CNTN5: variants seen among roughly 807,000 people sequenced by gnomAD.
CNTN5 encodes contactin 5.
In CNTN5, 77 loss-of-function variants were observed where a neutral mutation model predicts 129.1. That is an observed-to-expected ratio of 0.60 (90% CI 0.50 to 0.72). CNTN5 has a LOEUF of 0.72. CNTN5 is among the 30% of genes least tolerant of loss of function. The pLI is 0.00. For synonymous variants in CNTN5, 509 were observed against 465.6 expected (o/e 1.09, Z -1.20); for missense variants, 1,478 against 1,328.8 (o/e 1.11, Z -1.75).
At chr11:99,922,879 G>A (rs1263438571) in intron 7 of CNTN5, among the ~76,000 whole-genome samples, 1 of 152,108 alleles carries the variant, frequency 6.6e-6, no homozygotes, top group Non-Finnish European at 1.5e-5. Context: ...GTTTTGCAAG[G>A]TTTTAGACAG....
At chr11:99,898,584 G>T (rs1949270929) in intron 6 of CNTN5, among the ~76,000 whole-genome samples, 1 of 152,012 alleles carries the variant, frequency 6.6e-6, no homozygotes, top group Non-Finnish European at 1.5e-5. Flanking sequence ...AGGCACTGAT[G>T]ATACAGCAGT....
At chr11:99,807,997 C>T (rs947223530) in intron 3 of CNTN5, among the ~76,000 whole-genome samples, 3 of 152,042 alleles carry the variant, frequency 2.0e-5, no homozygotes, top group African/African-American at 7.2e-5. Flanking sequence ...GGCGTAGGGA[C>T]CTTCTGTGAC....
In CNTN5 at chr11:99,896,811, C is replaced by G. The variant is rs760120734; in HGVS notation, c.578-19243C>G. 7.2e-5 allele frequency among the ~76,000 whole-genome samples: 11 copies of G among 152,288 alleles called. No homozygotes were observed. The South Asian group carries it at 1.7e-3, about 23-fold the overall frequency. ...TAGCTGTCAGCTGCCACTGTCCCAG[C>G]TGAGGGTTCCTGCTCTTCCAATGAA... On this transcript the variant is annotated intron_variant, in intron 6 of 24. Transcript: ENST00000524871.
chr11:100,181,494 A>AT (rs1196990148), intron 13 of CNTN5, among the ~76,000 whole-genome samples: 1 of 152,016 alleles, frequency 6.6e-6, no homozygotes, highest in Non-Finnish European at 1.5e-5. Context: ...AATGTCCAAT[A>AT]TTTTTATTGT....
chr11:99,309,098 G>C (rs1482615227), intron 1 of CNTN5, among the ~76,000 whole-genome samples: 1 of 151,734 alleles, frequency 6.6e-6, no homozygotes, highest in Non-Finnish European at 1.5e-5. Context: ...ATTATTTTCT[G>C]CTAACTACAA....
rs528104169 is a variant in CNTN5, at chr11:99,082,545, A to G, written c.-210+61275A>G. 2.0e-5 allele frequency among the ~76,000 whole-genome samples: 3 copies of G among 152,152 alleles called. No homozygotes were observed. The East Asian group carries it at 5.8e-4, about 29-fold the overall frequency. On this transcript the variant is annotated intron_variant, in intron 1 of 24. Transcript: ENST00000524871. ...ACTGCCTTGGATTGAGACGCTTTTCATTTTAGTGCAAGGAATTATGGAATC... is the reference window on the plus strand; with the variant it reads ...ACTGCCTTGGATTGAGACGCTTTTCGTTTTAGTGCAAGGAATTATGGAATC...
At chr11:99,914,943 G>C (rs1949750181) in intron 6 of CNTN5, among the ~76,000 whole-genome samples, 1 of 151,956 alleles carries the variant, frequency 6.6e-6, no homozygotes, top group Non-Finnish European at 1.5e-5. Context: ...ATTTTCTTGA[G>C]TGTTCAGTTT....
At chr11:100,273,290 C>A (rs1467440947) in intron 18 of CNTN5, among the ~76,000 whole-genome samples, 4 of 152,102 alleles carry the variant, frequency 2.6e-5, no homozygotes, top group African/African-American at 9.7e-5. Context: ...GCAGCGTCCC[C>A]GACATCCCTC....
intron 3 of CNTN5, among the ~76,000 whole-genome samples, chr11:99,722,892 C>T (rs1447494963): frequency 1.3e-5 from 2 of 151,998 alleles, no homozygotes; most frequent in East Asian, 1.9e-4. Flanking sequence ...GAATCCCAGT[C>T]GTGTCATCAA....
intron 2 of CNTN5, among the ~76,000 whole-genome samples, chr11:99,515,199 C>T (rs1005613096): frequency 1.4e-4 from 22 of 151,844 alleles, no homozygotes; most frequent in East Asian, 5.8e-4. Flanking sequence ...AAAGAAGCAG[C>T]GAAGAGAGAT....
chr11:100,129,589 TA>T (rs1946308448), intron 13 of CNTN5, among the ~76,000 whole-genome samples: 1 of 152,142 alleles, frequency 6.6e-6, no homozygotes, highest in Non-Finnish European at 1.5e-5. Context: ...TGTGCATGAA[TA>T]TTTTTTAATT....
intron 3 of CNTN5, among the ~76,000 whole-genome samples, chr11:99,589,612 T>A (rs1949914325): frequency 6.6e-6 from 1 of 152,196 alleles, no homozygotes; most frequent in Non-Finnish European, 1.5e-5. Context: ...CTATAAATAT[T>A]TAGAAAGTAT....
chr11:99,849,869 T>C (rs563468964), intron 6 of CNTN5, among the ~76,000 whole-genome samples: 10 of 152,266 alleles, frequency 6.6e-5, no homozygotes, highest in African/African-American at 2.4e-4. Context: ...CCAGTATAAA[T>C]GTGTATTGGA....
intron 18 of CNTN5, among the ~76,000 whole-genome samples, chr11:100,271,807 A>G (rs1484886420): frequency 1.3e-5 from 2 of 152,236 alleles, no homozygotes; most frequent in African/African-American, 2.4e-5. Context: ...TAGAAAAAGC[A>G]TATCTGATAA....
intron 9 of CNTN5, among the ~76,000 whole-genome samples, chr11:100,024,439 G>T (rs1941309459): frequency 6.6e-6 from 1 of 152,058 alleles, no homozygotes; most frequent in East Asian, 1.9e-4. Context: ...TGGGAGTGGG[G>T]CACTGCTATA....
At chr11:99,428,285 T>C (rs1020046985) in intron 2 of CNTN5, among the ~76,000 whole-genome samples, 6 of 152,094 alleles carry the variant, frequency 3.9e-5, no homozygotes, top group African/African-American at 1.4e-4. Flanking sequence ...TACAGCTGAA[T>C]ACAGTGGCTC....
chr11:99,210,705 G>A (rs1219237377), intron 1 of CNTN5, among the ~76,000 whole-genome samples: 1 of 149,110 alleles, frequency 6.7e-6, no homozygotes, highest in Non-Finnish European at 1.5e-5. Context: ...AAATTATTAT[G>A]GCTATGTAAA....
chr11:100,297,716 C>T (rs1268888652), intron 19 of CNTN5, 21 bp downstream of exon 19: 1 of 1,539,446 alleles, frequency 6.5e-7, no homozygotes, highest in Non-Finnish European at 8.9e-7. Flanking sequence ...CACATCCTCT[C>T]ACAAATTACT....
intron 2 of CNTN5, among the ~76,000 whole-genome samples, chr11:99,467,983 C>T (rs1047326745): frequency 2.0e-5 from 3 of 151,876 alleles, no homozygotes; most frequent in African/African-American, 4.8e-5. Flanking sequence ...TCATATTTAC[C>T]CCTTGAGTCT....
Sources: gnomAD v4.1 joint callset for allele counts (sites outside exome capture counted in the v4.1 genomes callset) on GRCh38, gnomAD v4.1.1 for gene constraint, MANE v1.5 for transcripts, NCBI Gene and HGNC (gene_info 2026-07-23, HGNC 2026-07-21) for gene names.